The following ZSCAN25 variants were observed in gnomAD, a reference collection of about 807,000 sequenced individuals.
ZSCAN25 encodes the protein zinc finger and SCAN domain-containing protein 25.
In ZSCAN25, 27 loss-of-function variants were observed where a neutral mutation model predicts 38.7. The observed-to-expected ratio is 0.70, with a 90% CI of 0.51 to 0.96. ZSCAN25 has a LOEUF of 0.96. Among genes scored for constraint, ZSCAN25 ranks in the 40% least tolerant of loss-of-function variants. The pLI, the probability that ZSCAN25 is intolerant of heterozygous loss-of-function variation, is 0.00. For missense variants in ZSCAN25, 637 were observed against 705.9 expected (o/e 0.90, Z 1.11); for synonymous variants, 273 against 277.7 (o/e 0.98, Z 0.17).
the ZSCAN25 span, chr7:99,658,998 G>C: frequency 6.6e-6 from 1 of 152,090 alleles, no homozygotes; most frequent in Non-Finnish European, 1.5e-5. Context: ...CTTTTTTCAA[G>C]GTTTTTAACT....
At chr7:99,622,763 A>T in intron 6 of ZSCAN25, 123 bp downstream of exon 6, 1 of 845,732 alleles carries the variant, frequency 1.2e-6, no homozygotes, top group Non-Finnish European at 1.9e-6. Context: ...CTCCCTTCCT[A>T]GTCCCGGTGG....
At chr7:99,624,349 T>A (rs1241661955) in intron 7 of ZSCAN25, 169 bp downstream of exon 7, 8 of 720,084 alleles carry the variant, frequency 1.1e-5, no homozygotes, top group African/African-American at 3.6e-5. Context: ...CCTGTGTCAA[T>A]AGAGGAGCCA....
the ZSCAN25 span, chr7:99,707,905 G>A: frequency 1.2e-6 from 2 of 1,614,056 alleles, no homozygotes; most frequent in South Asian, 1.1e-5. Flanking sequence ...TGCCAATGCA[G>A]TTTCTGGGTC....
chr7:99,621,678 G>A (rs1806978574), intron 5 of ZSCAN25, 104 bp downstream of exon 5: 1 of 992,318 alleles, frequency 1.0e-6, no homozygotes, highest in Non-Finnish European at 1.3e-6. Context: ...TTACCCACGA[G>A]GTGTAATTGT....
the ZSCAN25 span, among the ~76,000 whole-genome samples, chr7:99,691,253 T>C: frequency 2.1e-5 from 3 of 139,922 alleles, no homozygotes; most frequent in Non-Finnish European, 4.5e-5. Context: ...TGAGAACACA[T>C]GGACACAGGA....
At chr7:99,640,686 G>A in the ZSCAN25 span, among the ~76,000 whole-genome samples, 86 of 152,250 alleles carry the variant, frequency 5.6e-4, 1 homozygote, top group East Asian at 0.016. Flanking sequence ...AGATCTCAGG[G>A]AAGGATATAC....
the ZSCAN25 span, chr7:99,650,041 T>C: frequency 6.2e-7 from 1 of 1,611,210 alleles, no homozygotes; most frequent in South Asian, 1.1e-5. Context: ...GTTAAAAAAA[T>C]TCTTAATAAA....
chr7:99,664,933 T>G, the ZSCAN25 span, among the ~76,000 whole-genome samples: 1 of 152,176 alleles, frequency 6.6e-6, no homozygotes, highest in Admixed American at 6.5e-5. Context: ...AAGTTGATTA[T>G]TGGATGCTTA....
rs750499256 is a variant in ZSCAN25, at chr7:99,629,859, G to A, written c.1474G>A (p.Gly492Arg). 40 of 1,614,110 alleles carry A rather than the reference G, an allele frequency of 2.5e-5. No homozygotes were observed. The highest frequency in any genetic ancestry group is 4.0e-5 in the African/African-American group (3 of 74,942). Residue 492 changes from glycine (G) to arginine (R), a missense_variant, in exon 8 of 8, where the codon GGG (glycine) becomes AGG (arginine). Physicochemically the swap from Gly to Arg is moderately radical, Grantham distance 125 (BLOSUM62 -2). Transcript: ENST00000394152. The surrounding 1 kb of genome is among the most constrained non-coding windows in gnomAD (Gnocchi z 5.6). ...GAAGCCATATGGGTGCCAGGTGTGCGGGAAGCGGTTCAGCAAAGGGGAGCG... is the reference window on the plus strand; with the variant it reads ...GAAGCCATATGGGTGCCAGGTGTGCAGGAAGCGGTTCAGCAAAGGGGAGCG... Reference protein sequence around the residue: ...GEKPYGCQVCGKRFSKGERLV... With the variant: ...GEKPYGCQVCRKRFSKGERLV...
Position 99,622,569 on chromosome 7 carries a change from G to T in ZSCAN25, c.610G>T (p.Gly204Cys). The change falls in exon 6 of 8, where the codon GGT becomes TGT. Residue 204 changes from glycine to cysteine, a missense_variant. Physicochemically the swap from Gly to Cys is radical, Grantham distance 159 (BLOSUM62 -3). Transcript: ENST00000394152. ...CTCAGCACTACCTGTTCTGCAGGCGGGTCCTGGCCTCCCCGCAGTGAATCC... is the reference window on the plus strand; with the variant it reads ...CTCAGCACTACCTGTTCTGCAGGCGTGTCCTGGCCTCCCCGCAGTGAATCC... ...QEQALPVLQAGPGLPAVNPRD... is the reference protein window; with the variant it reads ...QEQALPVLQACPGLPAVNPRD... The T allele has an allele frequency of 1.9e-6, 3 of 1,614,154 alleles. No individual in the cohort carries two copies. The highest frequency in any genetic ancestry group is 2.5e-6 in the Non-Finnish European group (3 of 1,180,026).
the ZSCAN25 span, chr7:99,715,803 T>A: frequency 6.2e-7 from 1 of 1,613,798 alleles, no homozygotes; most frequent in Non-Finnish European, 8.5e-7. Context: ...CTTAAAAGCT[T>A]CTTGGTGTTT....
At chr7:99,638,128 C>G in the ZSCAN25 span, 2 of 1,048,188 alleles carry the variant, frequency 1.9e-6, no homozygotes, top group Non-Finnish European at 2.7e-6. Flanking sequence ...AACAGTAACT[C>G]CAGAGTTCAA....
At chr7:99,620,312 CT>C in intron 4 of ZSCAN25, 1 of 280,428 alleles carries the variant, frequency 3.6e-6, no homozygotes, top group Non-Finnish European at 6.7e-6. Context: ...AGACCTGACC[CT>C]GCTTTGGACA....
chr7:99,720,563 C>A, the ZSCAN25 span: 1 of 834,662 alleles, frequency 1.2e-6, no homozygotes, highest in South Asian at 1.7e-5. Context: ...TTAGGTATAA[C>A]TCACAGCAAG....
At chr7:99,716,874 C>G in the ZSCAN25 span, among the ~76,000 whole-genome samples, 1 of 152,202 alleles carries the variant, frequency 6.6e-6, no homozygotes, top group Admixed American at 6.5e-5. Flanking sequence ...ATGCTTAAAA[C>G]TTTGATACAA....
intron 4 of ZSCAN25, 29 bp downstream of exon 4, chr7:99,620,022 G>T: frequency 6.3e-7 from 1 of 1,585,120 alleles, no homozygotes. Flanking sequence ...CAGGTCTGGC[G>T]CCCTTGGCGT....
At chr7:99,627,838 GTATA>G (rs1807626668) in intron 7 of ZSCAN25, among the ~76,000 whole-genome samples, 1 of 151,818 alleles carries the variant, frequency 6.6e-6, no homozygotes, top group African/African-American at 2.4e-5. Flanking sequence ...TGTATATACT[GTATA>G]TGTATAGTAT....
the ZSCAN25 span, among the ~76,000 whole-genome samples, chr7:99,684,511 G>A: frequency 6.6e-6 from 1 of 152,070 alleles, no homozygotes; most frequent in African/African-American, 2.4e-5. Flanking sequence ...CTAAGCAATG[G>A]GCAAAGTCAC....
chr7:99,724,677 T>C, the ZSCAN25 span, among the ~76,000 whole-genome samples: 5 of 152,022 alleles, frequency 3.3e-5, no homozygotes, highest in African/African-American at 1.2e-4. Flanking sequence ...CACCTTACAG[T>C]TTCATTCCGA....
Sources: gnomAD v4.1 joint callset for allele counts (sites outside exome capture counted in the v4.1 genomes callset) on GRCh38, gnomAD v4.1.1 for gene constraint, Gnocchi (gnomAD v3.1) non-coding constraint, MANE v1.5 for transcripts, NCBI Gene and HGNC (gene_info 2026-07-23, HGNC 2026-07-21) for gene names.